Variants in AP1G2 observed in about 807,000 individuals in gnomAD.
AP1G2 encodes adaptor related protein complex 1 subunit gamma 2.
In AP1G2, 85 loss-of-function variants were observed where a neutral mutation model predicts 95.8. The observed-to-expected ratio is 0.89, with a 90% CI of 0.74 to 1.06. The LOEUF is 1.06. AP1G2 is among the 50% of genes least tolerant of loss of function. The pLI is 0.00. For missense variants in AP1G2, 967 were observed against 1,005.8 expected (o/e 0.96, Z 0.52); for synonymous variants, 378 against 400.0 (o/e 0.94, Z 0.66).
chr14:23,566,841 C>T (rs1888266593), intron 2 of AP1G2, 155 bp from the exon 3 acceptor site: 2 of 1,175,206 alleles, frequency 1.7e-6, no homozygotes, highest in South Asian at 1.5e-5. Flanking sequence ...GAAATTCAGG[C>T]GTTAGTGGGT....
intron 11 of AP1G2, 95 bp from the exon 12 acceptor site, chr14:23,563,951 C>T: frequency 1.2e-6 from 2 of 1,601,386 alleles, no homozygotes; most frequent in Non-Finnish European, 1.7e-6. Context: ...CCCCCTTAGT[C>T]CCCTTACTCC....
rs1887619269 is a variant in AP1G2, at chr14:23,565,831, G to A, written c.630C>T (p.Leu210=). ...ACCAGCCCACCTTTCGGAAGTGCCT[G>A]AGGGCTGCAGGGCTTCGTTCGCAGA... The part of the protein sequence containing the change: ...TELCERSPAA[L]RHFRKVVPQL... Residue 210 remains leucine (L), a synonymous_variant, in exon 6 of 22, where the codon CTC becomes CTT. Transcript: ENST00000397120. The A allele has an allele frequency of 6.3e-7, 1 of 1,578,994 alleles. No individual in the cohort carries two copies. Among genetic ancestry groups the A allele is most frequent in the South Asian group, 1.2e-5 (1 of 84,750 alleles).
chr14:23,563,918 C>T (rs1050534341), intron 11 of AP1G2, 62 bp from the exon 12 acceptor site: 72 of 1,600,450 alleles, frequency 4.5e-5, no homozygotes, highest in South Asian at 1.0e-4. Context: ...TGCCTCAGGC[C>T]CTCTGCTTCC....
rs1269577357 is a variant in AP1G2 at position 23,560,437 on chromosome 14, A to G, written c.1994-19T>C. The G allele has an allele frequency of 6.2e-7, 1 of 1,607,442 alleles. No homozygotes were observed. The highest frequency in any genetic ancestry group is 8.5e-7 in the Non-Finnish European group (1 of 1,175,604). On this transcript the variant is annotated intron_variant, in intron 19 of 21. Transcript: ENST00000397120. Reference sequence around the variant, plus strand: ...ATGGGAGCTGGAGTAGGGAGACAGAAGCAGCTCAGTGTGCAGGTTTGAGAG... The same window carrying G: ...ATGGGAGCTGGAGTAGGGAGACAGAGGCAGCTCAGTGTGCAGGTTTGAGAG...
rs1246992782 is a variant in AP1G2, at chr14:23,561,360, C to A, written c.1929G>T (p.Leu643=). ...ASGDVQHPPH[L]DPSPGGALVH... Reference sequence around the variant, plus strand: ...CCAGGGCACCTCCTGGGGAGGGGTCCAGATGGGGAGGATGCTGGACATCCC... The same window carrying A: ...CCAGGGCACCTCCTGGGGAGGGGTCAAGATGGGGAGGATGCTGGACATCCC... Residue 643 remains leucine, a synonymous_variant, in exon 19 of 22, where the codon CTG becomes CTT. Coordinates refer to ENST00000397120, the MANE Select transcript of AP1G2 (RefSeq NM_003917.5). 6.3e-7 allele frequency: 1 copy of A among 1,595,002 alleles called. No homozygotes were observed. Among genetic ancestry groups the A allele is most frequent in the Non-Finnish European group, 8.6e-7 (1 of 1,169,312 alleles).
rs759327378 is a variant in AP1G2, at chr14:23,561,332, G to A, written c.1957C>T (p.His653Tyr). Residue 653 changes from histidine (H) to tyrosine (Y), a missense_variant, in exon 19 of 22, where the codon CAC becomes TAC. Physicochemically the swap from His to Tyr is moderately conservative, Grantham distance 83. Transcript: ENST00000397120. ...GGTACACAGGGAAGGTCAAGCAGGT[G>A]TACCAGGGCACCTCCTGGGGAGGGG... Reference protein sequence around the residue: ...LDPSPGGALVHLLDLPCVPPP... With the variant: ...LDPSPGGALVYLLDLPCVPPP... The A allele has an allele frequency of 1.1e-5, 17 of 1,573,242 alleles. No individual in the cohort carries two copies. The highest frequency in any genetic ancestry group is 5.9e-5 in the South Asian group (5 of 85,012).
chr14:23,567,726 A>C lies in AP1G2; in HGVS notation c.-6+13T>G. On this transcript the variant is annotated intron_variant, in intron 1 of 21. Transcript: ENST00000397120. The surrounding 1 kb of genome is among the most constrained non-coding windows in gnomAD (Gnocchi z 5.3). ...GCAGCGACAGCCTGCCTACCCCAGG[A>C]CTCCAGCCTCACCTGGCTTCTGCCT... The C allele has an allele frequency of 1.1e-6, 1 of 884,876 alleles. No individual in the cohort carries two copies. The highest frequency in any genetic ancestry group is 1.4e-6 in the Non-Finnish European group (1 of 735,846). 54.8% of individuals were successfully genotyped at this position (884,876 alleles called of 1,614,324 possible). A position where few individuals can be genotyped will look rare whatever the true frequency, so the allele number is the denominator to read the frequency against.
chr14:23,561,484 C>T (rs745609936), intron 18 of AP1G2, 28 bp downstream of exon 18: 114 of 1,614,016 alleles, frequency 7.1e-5, no homozygotes, highest in Non-Finnish European at 9.3e-5. Context: ...AGCCCGTCTT[C>T]CTACCCCAGA....
At chr14:23,560,680 G>T in intron 19 of AP1G2, 1 of 234,684 alleles carries the variant, frequency 4.3e-6, no homozygotes, top group Non-Finnish European at 8.2e-6. Context: ...TTGGGAGGCT[G>T]AGACACAAGA....
Position 23,567,612 on chromosome 14 carries a change from T to C in AP1G2, c.-6+127A>G. On this transcript the variant is annotated intron_variant, in intron 1 of 21. Coordinates refer to ENST00000397120, the MANE Select transcript of AP1G2 (RefSeq NM_003917.5). This position sits in a 1 kb window ranked among gnomAD's most constrained non-coding sequence, Gnocchi z 5.3. ...CTCCCCCTACCTGGTACCCCATCCC[T>C]AGCTCAGCCATTGCTTTTTTTTCCA... The C allele has an allele frequency of 8.5e-7, 1 of 1,177,518 alleles. No individual in the cohort carries two copies. The highest frequency in any genetic ancestry group is 2.9e-5 in the South Asian group (1 of 34,052). The allele number at this position is 1,177,518 out of a possible 1,614,324, so 72.9% of individuals were successfully genotyped here.
intron 4 of AP1G2, 50 bp from the exon 5 acceptor site, chr14:23,566,210 C>T: frequency 6.3e-7 from 1 of 1,599,552 alleles, no homozygotes; most frequent in Non-Finnish European, 8.5e-7. Flanking sequence ...TGGACCCCTG[C>T]ATCTACTACT....
In AP1G2 at chr14:23,561,445, C is replaced by T. The variant is rs750779439; in HGVS notation, c.1858-14G>A. On this transcript the variant is annotated splice_polypyrimidine_tract_variant and intron_variant, in intron 18 of 21. Transcript: ENST00000397120. ...GAGCTGTGAGGCCTGGCAGAAGGGACAGAAGGGGCAGGGCTGGGTATGAAG... is the reference window on the plus strand; with the variant it reads ...GAGCTGTGAGGCCTGGCAGAAGGGATAGAAGGGGCAGGGCTGGGTATGAAG... 2 of 1,612,988 alleles carry T rather than the reference C, an allele frequency of 1.2e-6. No homozygotes were observed. The highest frequency in any genetic ancestry group is 1.6e-4 in the Middle Eastern group (1 of 6,080).
Position 23,567,611 on chromosome 14 carries a change from C to A in AP1G2, c.-6+128G>T. 8.4e-7 allele frequency: 1 copy of A among 1,187,344 alleles called. No homozygotes were observed. Among genetic ancestry groups the A allele is most frequent in the Non-Finnish European group, 1.0e-6 (1 of 957,066 alleles). 73.6% of individuals were successfully genotyped at this position (1,187,344 alleles called of 1,614,324 possible). A position where few individuals can be genotyped will look rare whatever the true frequency, so the allele number is the denominator to read the frequency against. On this transcript the variant is annotated intron_variant, in intron 1 of 21. Transcript: ENST00000397120. This position sits in a 1 kb window ranked among gnomAD's most constrained non-coding sequence, Gnocchi z 5.3. ...CCTCCCCCTACCTGGTACCCCATCCCTAGCTCAGCCATTGCTTTTTTTTCC... is the reference window on the plus strand; with the variant it reads ...CCTCCCCCTACCTGGTACCCCATCCATAGCTCAGCCATTGCTTTTTTTTCC...
At chr14:23,563,964 C>G in intron 11 of AP1G2, 82 bp downstream of exon 11, 3 of 1,603,544 alleles carry the variant, frequency 1.9e-6, no homozygotes, top group Non-Finnish European at 1.7e-6. Flanking sequence ...CTTACTCCAG[C>G]TGCTCTAAAC....
chr14:23,559,676 G>T lies in AP1G2; in HGVS notation c.*73C>A. The T allele has an allele frequency of 7.2e-7, 1 of 1,388,910 alleles. No individual in the cohort carries two copies. The highest frequency in any genetic ancestry group is 1.8e-5 in the Admixed American group (1 of 54,520). The allele number at this position is 1,388,910 out of a possible 1,614,324, so 86.0% of individuals were successfully genotyped here. A position where few individuals can be genotyped will look rare whatever the true frequency, so the allele number is the denominator to read the frequency against. ...AGCGCCACCTGCTGGTAGCCCTCAG[G>T]TGTAGGTTCGAAGCTGCTGGGGCCC... is the stretch of plus-strand genomic sequence containing the variant. On this transcript the variant is annotated 3_prime_UTR_variant, in exon 22 of 22. Coordinates refer to ENST00000397120, the MANE Select transcript of AP1G2 (RefSeq NM_003917.5).
In AP1G2 at chr14:23,566,066, T is replaced by C. The variant is rs768426972; in HGVS notation, c.566A>G (p.His189Arg). Residue 189 changes from histidine (H) to arginine (R), a missense_variant and splice_region_variant, in exon 5 of 22, where the codon CAT (histidine) becomes CGT (arginine). His to Arg is a conservative substitution (Grantham distance 29, BLOSUM62 0). Coordinates refer to ENST00000397120, the MANE Select transcript of AP1G2 (RefSeq NM_003917.5). ...PCAQLLHERH[H>R]GILLGTITLI... ...GATGGGGGGCCCCACAGCCTTACCA[T>C]GGTGACGCTCATGAAGCAGTTGGGC... 2.5e-5 allele frequency: 41 copies of C among 1,613,998 alleles called. No homozygotes were observed. The Middle Eastern group carries it at 1.5e-3, about 58-fold the overall frequency.
chr14:23,565,635 T>C lies in AP1G2; in HGVS notation c.712A>G (p.Ile238Val). ...VTMGYSTEHS[I>V]SGVSDPFLQV... ...AGGAAGGGGTCGCTGACTCCAGATA[T>C]GCTGTGTTCTGTGGAGTATCCCATT... Residue 238 changes from isoleucine (I) to valine (V), a missense_variant, in exon 7 of 22, where the codon ATA becomes GTA. Coordinates refer to ENST00000397120, the MANE Select transcript of AP1G2 (RefSeq NM_003917.5). The C allele has an allele frequency of 6.2e-7, 1 of 1,614,128 alleles. No individual in the cohort carries two copies. The highest frequency in any genetic ancestry group is 8.5e-7 in the Non-Finnish European group (1 of 1,180,006).
intron 8 of AP1G2, 53 bp downstream of exon 8, chr14:23,565,066 G>C: frequency 6.3e-7 from 1 of 1,575,326 alleles, no homozygotes; most frequent in Non-Finnish European, 8.7e-7. Context: ...GGGCACCCAG[G>C]GCTGATGGGG....
chr14:23,563,311 G>T, intron 14 of AP1G2, 69 bp downstream of exon 14: 1 of 1,545,788 alleles, frequency 6.5e-7, no homozygotes, highest in African/African-American at 1.4e-5. Context: ...ATCTAGTAGG[G>T]AGGAGGTGGC....
Sources: allele counts gnomAD v4.1 joint callset, GRCh38; gene constraint gnomAD v4.1.1; non-coding constraint Gnocchi (gnomAD v3.1); transcripts MANE v1.5; gene names NCBI Gene and HGNC (gene_info 2026-07-23, HGNC 2026-07-21).